Variants in MAVS observed in about 807,000 individuals in gnomAD.
MAVS encodes the protein mitochondrial antiviral-signaling protein.
A neutral mutation model predicts 30.2 loss-of-function variants in MAVS; 20 were observed. The observed-to-expected ratio is 0.66, with a 90% CI of 0.47 to 0.96. MAVS has a LOEUF of 0.96. Ranked by LOEUF, MAVS falls within the 40% of genes least tolerant of loss-of-function variation. The probability of loss-of-function intolerance (pLI) is 0.00; values close to 1 mark genes in which losing one functional copy is unlikely to be tolerated. For synonymous variants in MAVS, 278 were observed against 293.9 expected (o/e 0.95, Z 0.55); for missense variants, 624 against 701.1 (o/e 0.89, Z 1.24).
intron 1 of MAVS, among the ~76,000 whole-genome samples, chr20:3,848,173 C>T (rs147434557): frequency 0.014 from 2,205 of 152,094 alleles, 33 homozygotes; most frequent in Non-Finnish European, 0.021. Context: ...AATCTTGGCT[C>T]ACTGCAACCT....
chr20:3,856,176 T>A (rs929927928), intron 2 of MAVS, among the ~76,000 whole-genome samples: 12 of 151,530 alleles, frequency 7.9e-5, no homozygotes, highest in African/African-American at 2.9e-4. Context: ...TGCCTCAGCC[T>A]CTTGAGTAGA....
At chr20:3,853,553 A>T (rs1170887346) in intron 1 of MAVS, among the ~76,000 whole-genome samples, 1 of 151,702 alleles carries the variant, frequency 6.6e-6, no homozygotes, top group Non-Finnish European at 1.5e-5. Flanking sequence ...GAGCTACTTG[A>T]CAGGCGGAGG....
In MAVS at chr20:3,865,178, C is replaced by T. The variant is rs2089896916; in HGVS notation, c.1158+390C>T. On this transcript the variant is annotated intron_variant, in intron 6 of 6. Coordinates refer to ENST00000428216, the MANE Select transcript of MAVS (RefSeq NM_020746.5). This position sits in a 1 kb window ranked among gnomAD's most constrained non-coding sequence, Gnocchi z 4.7. ...CTTGCCTTGCTCTTCACCAGGATGC[C>T]TGGTGTGTCCCTCCATGGCCAGGCT... 6.6e-6 allele frequency among the ~76,000 whole-genome samples: 1 copy of T among 152,242 alleles called. No homozygotes were observed. The highest frequency in any genetic ancestry group is 1.5e-5 in the Non-Finnish European group (1 of 68,040).
intron 1 of MAVS, among the ~76,000 whole-genome samples, chr20:3,852,834 ATTT>A (rs57163061): frequency 0.12 from 12,436 of 106,784 alleles, 434 homozygotes; most frequent in Middle Eastern, 0.19. Context: ...ATTCTGCAGA[ATTT>A]TTTTTTTTTT....
In MAVS at chr20:3,867,164, C is replaced by T; in HGVS notation, c.*1017C>T. On this transcript the variant is annotated 3_prime_UTR_variant, in exon 7 of 7. Transcript: ENST00000428216. The stretch of plus-strand genomic sequence containing the variant: ...AGTGGTCAAGGGTGCAGCTCTGCAG[C>T]ACAGGCAGCCTAGGCCTGCGTCCCA... 1 of 423,320 alleles carries T rather than the reference C, an allele frequency of 2.4e-6. No individual in the cohort carries two copies. 26.2% of individuals were successfully genotyped at this position (423,320 alleles called of 1,614,324 possible).
In MAVS at chr20:3,875,045, T is replaced by G. The variant is rs1023058281; in HGVS notation, c.*8898T>G. 6.6e-6 allele frequency: 1 copy of G among 152,362 alleles called. No individual in the cohort carries two copies. The highest frequency in any genetic ancestry group is 2.4e-5 in the African/African-American group (1 of 41,460). 9.4% of individuals were successfully genotyped at this position (152,362 alleles called of 1,614,324 possible). ...CCCAGATCCTACAGGAAACCTTGAT[T>G]AGACCCCTCTCTTTATTAAGCTTCC... On this transcript the variant is annotated 3_prime_UTR_variant, in exon 7 of 7. Transcript: ENST00000428216.
chr20:3,858,707 C>T (rs2089835291), intron 3 of MAVS, among the ~76,000 whole-genome samples: 2 of 150,550 alleles, frequency 1.3e-5, no homozygotes. Context: ...ATCAAGCCAG[C>T]CCTATTTATA....
At chr20:3,854,836 C>A in intron 2 of MAVS, 95 bp downstream of exon 2, 1 of 747,722 alleles carries the variant, frequency 1.3e-6, no homozygotes, top group South Asian at 1.8e-5. Flanking sequence ...CAAGCCTGGG[C>A]TGGCTCCTTC....
intron 1 of MAVS, among the ~76,000 whole-genome samples, chr20:3,852,114 C>G (rs1315070531): frequency 6.6e-6 from 1 of 151,112 alleles, no homozygotes; most frequent in Non-Finnish European, 1.5e-5. Context: ...CCTGCCTCAG[C>G]CTCCCGAGTA....
At chr20:3,848,702 G>T (rs1216551484) in intron 1 of MAVS, among the ~76,000 whole-genome samples, 1 of 152,130 alleles carries the variant, frequency 6.6e-6, no homozygotes, top group Non-Finnish European at 1.5e-5. Context: ...GTCCTCTCCT[G>T]CCTCCTTCCC....
intron 4 of MAVS, among the ~76,000 whole-genome samples, chr20:3,861,870 T>A (rs968773429): frequency 6.6e-6 from 1 of 152,076 alleles, no homozygotes; most frequent in African/African-American, 2.4e-5. Flanking sequence ...TGCCTCAGCC[T>A]CCTGAGTAGC....
rs778184452 is a variant in MAVS, at chr20:3,864,307, C to A, written c.677C>A (p.Ser226Tyr). ...CGTGGGCCTGTGTCTCCATCTGTCT[C>A]CTTCCAGCCCCTGGCCCGTTCCACC... ...PSRGPVSPSV[S>Y]FQPLARSTPR... Residue 226 changes from serine to tyrosine, a missense_variant, in exon 6 of 7, where the codon TCC becomes TAC. Transcript: ENST00000428216. 4 of 1,613,770 alleles carry A rather than the reference C, an allele frequency of 2.5e-6. No homozygotes were observed. Among genetic ancestry groups the A allele is most frequent in the Non-Finnish European group, 3.4e-6 (4 of 1,179,846 alleles).
At chr20:3,862,752 TC>T (rs1321498512) in intron 5 of MAVS, among the ~76,000 whole-genome samples, 1 of 152,276 alleles carries the variant, frequency 6.6e-6, no homozygotes, top group East Asian at 1.9e-4. Context: ...ATACATAAGT[TC>T]TGCCTCTGGC....
chr20:3,848,234 G>A (rs1200552991), intron 1 of MAVS, among the ~76,000 whole-genome samples: 1 of 152,070 alleles, frequency 6.6e-6, no homozygotes, highest in South Asian at 2.1e-4. Context: ...GAGTAGCTGG[G>A]ACTACAGGTG....
intron 1 of MAVS, among the ~76,000 whole-genome samples, chr20:3,853,841 T>A (rs997038035): frequency 2.0e-5 from 3 of 151,762 alleles, no homozygotes; most frequent in Admixed American, 2.0e-4. Context: ...CAGGCTGGAG[T>A]GCAATGGTGC....
chr20:3,851,633 C>G (rs145851903), intron 1 of MAVS, among the ~76,000 whole-genome samples: 1 of 151,912 alleles, frequency 6.6e-6, no homozygotes, highest in Admixed American at 6.6e-5. Flanking sequence ...ACAGTGAGTT[C>G]AAGGCATGGA....
In MAVS at chr20:3,875,489, A is replaced by AG. The variant is rs2089984898; in HGVS notation, c.*9342_*9343insG. ...CTGTTTTTATTTAAAAAAAAAAAAA[A>AG]CCAGCCAAAACCACAACTTTTTACT... On this transcript the variant is annotated 3_prime_UTR_variant, in exon 7 of 7. Transcript: ENST00000428216. 6.6e-6 allele frequency: 1 copy of AG among 150,932 alleles called. No homozygotes were observed. The highest frequency in any genetic ancestry group is 1.5e-5 in the Non-Finnish European group (1 of 67,644). 9.3% of individuals were successfully genotyped at this position (150,932 alleles called of 1,614,324 possible). A position where few individuals can be genotyped will look rare whatever the true frequency, so the allele number is the denominator to read the frequency against.
At chr20:3,859,828 T>A (rs563850047) in intron 3 of MAVS, among the ~76,000 whole-genome samples, 1 of 151,976 alleles carries the variant, frequency 6.6e-6, no homozygotes, top group Non-Finnish European at 1.5e-5. Context: ...TCACTCCTTT[T>A]TTTTTTGAAA....
rs1368443767 is a variant in MAVS, at chr20:3,865,252, C to T, written c.1159-431C>T. ...AGCAGCCACTCGGACCCAGCAGCCC[C>T]CCATTGTTGCCTGCTCCAAGCCTCA... On this transcript the variant is annotated intron_variant, in intron 6 of 6. Coordinates refer to ENST00000428216, the MANE Select transcript of MAVS (RefSeq NM_020746.5). The surrounding 1 kb of genome is among the most constrained non-coding windows in gnomAD (Gnocchi z 4.7). Among the ~76,000 whole-genome samples, 1 of 152,192 alleles carries T rather than the reference C, an allele frequency of 6.6e-6. No individual in the cohort carries two copies. The highest frequency in any genetic ancestry group is 1.9e-4 in the East Asian group (1 of 5,192).
Sources: gnomAD v4.1 joint callset for allele counts (sites outside exome capture counted in the v4.1 genomes callset) on GRCh38, gnomAD v4.1.1 for gene constraint, Gnocchi (gnomAD v3.1) non-coding constraint, MANE v1.5 for transcripts, NCBI Gene and HGNC (gene_info 2026-07-23, HGNC 2026-07-21) for gene names.